The following USH2A variants were observed in gnomAD, a reference collection of about 807,000 sequenced individuals.
USH2A encodes usherin.
In USH2A, 443 loss-of-function variants were observed where a neutral mutation model predicts 538.9. That is an observed-to-expected ratio of 0.82 (90% CI 0.76 to 0.89). USH2A has a LOEUF of 0.89. USH2A is among the 40% of genes least tolerant of loss of function. The pLI, the probability that USH2A is intolerant of heterozygous loss-of-function variation, is 0.00. For synonymous variants in USH2A, 2,413 were observed against 2,273.5 expected (o/e 1.06, Z -1.75); for missense variants, 6,633 against 6,324.8 (o/e 1.05, Z -1.65).
rs372469244 is a variant in USH2A at position 215,926,907 on chromosome 1, C to T, written c.7300+7709G>A. 3.9e-5 allele frequency among the ~76,000 whole-genome samples: 6 copies of T among 152,088 alleles called. No individual in the cohort carries two copies. In the East Asian group the frequency reaches 5.8e-4, roughly 15 times the overall value. The stretch of plus-strand genomic sequence containing the variant: ...ACAGGCGTGAGCCACCGCGCCCAGC[C>T]TTACCTACCTATTCTTATCTGACTT... On this transcript the variant is annotated intron_variant, in intron 38 of 71. Transcript: ENST00000307340.
At chr1:216,365,650 CTAA>C (rs1571744891) in intron 3 of USH2A, among the ~76,000 whole-genome samples, 1 of 151,696 alleles carries the variant, frequency 6.6e-6, no homozygotes, top group East Asian at 1.9e-4. Context: ...AGCAAGTAGC[CTAA>C]TAACTGCACA....
intron 21 of USH2A, among the ~76,000 whole-genome samples, chr1:216,162,106 G>T (rs188274382): frequency 5.3e-4 from 80 of 151,882 alleles, no homozygotes; most frequent in African/African-American, 1.9e-3. Flanking sequence ...GATAATATTT[G>T]GCTATTCTAC....
At chr1:215,961,657 C>G (rs1166323515) in intron 37 of USH2A, among the ~76,000 whole-genome samples, 1 of 151,522 alleles carries the variant, frequency 6.6e-6, no homozygotes, top group Non-Finnish European at 1.5e-5. Context: ...CATTAAGATA[C>G]CTTGATAATG....
chr1:216,397,435 G>A (rs1306469623), intron 3 of USH2A, among the ~76,000 whole-genome samples: 1 of 152,182 alleles, frequency 6.6e-6, no homozygotes, highest in African/African-American at 2.4e-5. Context: ...GTTTCCAGAG[G>A]AGATTGACAT....
In USH2A at chr1:215,760,188, C is replaced by T. The variant is rs181579206; in HGVS notation, c.11048-345G>A. Among the ~76,000 whole-genome samples the T allele has an allele frequency of 3.3e-5, 5 of 152,214 alleles. No individual in the cohort carries two copies. In the East Asian group the frequency reaches 9.7e-4, roughly 29 times the overall value. On this transcript the variant is annotated intron_variant, in intron 56 of 71. Transcript: ENST00000307340. ...TGGAATATGTGAAAGTAAGCATAAT[C>T]GAGTATGTACCTGAATTATACAATT...
chr1:216,055,323 C>A (rs545546731), intron 30 of USH2A, among the ~76,000 whole-genome samples: 2 of 152,218 alleles, frequency 1.3e-5, no homozygotes, highest in South Asian at 4.1e-4. Context: ...GTAAGGGATG[C>A]CACACAGGCA....
intron 58 of USH2A, among the ~76,000 whole-genome samples, chr1:215,752,043 T>C (rs2102735290): frequency 6.6e-6 from 1 of 152,252 alleles, no homozygotes; most frequent in South Asian, 2.1e-4. Context: ...GTGTATGTGC[T>C]CTGTTTGTCA....
At chr1:216,137,969 C>A (rs2033519144) in intron 21 of USH2A, among the ~76,000 whole-genome samples, 1 of 151,978 alleles carries the variant, frequency 6.6e-6, no homozygotes, top group Non-Finnish European at 1.5e-5. Context: ...AAAAAAACGA[C>A]AAGATGAAAA....
chr1:216,419,074 A>AT (rs961017189), intron 2 of USH2A, among the ~76,000 whole-genome samples: 3 of 151,604 alleles, frequency 2.0e-5, no homozygotes, highest in Admixed American at 2.0e-4. Flanking sequence ...CAGTGCAAAA[A>AT]TTTTTTTTTA....
intron 21 of USH2A, among the ~76,000 whole-genome samples, chr1:216,151,624 G>A (rs999503600): frequency 1.3e-5 from 2 of 152,068 alleles, no homozygotes; most frequent in African/African-American, 2.4e-5. Context: ...AGTCCTCCAG[G>A]CCCAAGTTGA....
At chr1:216,018,611 G>A (rs1460623142) in intron 32 of USH2A, among the ~76,000 whole-genome samples, 1 of 152,116 alleles carries the variant, frequency 6.6e-6, no homozygotes, top group African/African-American at 2.4e-5. Context: ...GAAAAGTAGA[G>A]CACACATTTA....
chr1:216,220,311 C>T (rs974252841), intron 14 of USH2A, among the ~76,000 whole-genome samples: 1 of 150,826 alleles, frequency 6.6e-6, no homozygotes, highest in Non-Finnish European at 1.5e-5. Flanking sequence ...TGAGGGCCAG[C>T]TATGTTCCAG....
intron 20 of USH2A, among the ~76,000 whole-genome samples, chr1:216,188,354 T>C (rs1335214546): frequency 6.6e-6 from 1 of 151,806 alleles, no homozygotes; most frequent in Non-Finnish European, 1.5e-5. Context: ...TCTCTTCAGG[T>C]TCTTTAGTTT....
chr1:216,377,919 GAA>G (rs2038866273), intron 3 of USH2A, among the ~76,000 whole-genome samples: 1 of 150,754 alleles, frequency 6.6e-6, no homozygotes, highest in Non-Finnish European at 1.5e-5. Flanking sequence ...GAAAGAGAAA[GAA>G]AGAGAAAAAA....
At chr1:215,710,545 C>A (rs1259777210) in intron 61 of USH2A, among the ~76,000 whole-genome samples, 1 of 152,070 alleles carries the variant, frequency 6.6e-6, no homozygotes, top group Non-Finnish European at 1.5e-5. Context: ...AGTAAACATA[C>A]CCAGTAGAGG....
At chr1:216,402,415 A>C (rs1029113411) in intron 3 of USH2A, among the ~76,000 whole-genome samples, 1 of 152,102 alleles carries the variant, frequency 6.6e-6, no homozygotes, top group Non-Finnish European at 1.5e-5. Flanking sequence ...CCTTTGAACA[A>C]CACAGGTTTG....
intron 32 of USH2A, among the ~76,000 whole-genome samples, chr1:216,034,605 A>G (rs189200235): frequency 5.9e-4 from 90 of 152,268 alleles, no homozygotes; most frequent in Non-Finnish European, 1.0e-3. Context: ...CTTTAGAAGA[A>G]GGGAAAACAC....
intron 61 of USH2A, among the ~76,000 whole-genome samples, chr1:215,722,986 C>T (rs887383470): frequency 6.6e-6 from 1 of 152,138 alleles, no homozygotes; most frequent in Admixed American, 6.6e-5. Flanking sequence ...CAGGAGTGTT[C>T]CCTGTAAATA....
At chr1:216,342,370 C>A (rs2038092642) in intron 4 of USH2A, among the ~76,000 whole-genome samples, 1 of 152,072 alleles carries the variant, frequency 6.6e-6, no homozygotes, top group South Asian at 2.1e-4. Flanking sequence ...GAAACAGGAA[C>A]ACTTTTACAC....
Sources: gnomAD v4.1 joint callset for allele counts (sites outside exome capture counted in the v4.1 genomes callset) on GRCh38, gnomAD v4.1.1 for gene constraint, MANE v1.5 for transcripts, NCBI Gene and HGNC (gene_info 2026-07-23, HGNC 2026-07-21) for gene names.